ASPH: variants seen among roughly 807,000 people sequenced by gnomAD.
ASPH encodes aspartate beta-hydroxylase, also known as aspartyl/asparaginyl beta-hydroxylase.
A neutral mutation model predicts 118.4 loss-of-function variants in ASPH; 100 were observed. The observed-to-expected ratio is 0.84, with a 90% CI of 0.72 to 1.00. The LOEUF (loss-of-function observed/expected upper bound fraction) is 1.00, where lower values mean the gene tolerates loss of function less well. Among genes scored for constraint, ASPH ranks in the 50% least tolerant of loss-of-function variants. The pLI, the probability that ASPH is intolerant of heterozygous loss-of-function variation, is 0.00. For synonymous variants in ASPH, 315 were observed against 325.6 expected (o/e 0.97, Z 0.35); for missense variants, 920 against 919.5 (o/e 1.00, Z -0.01).
At chr8:61,614,845 CT>C (rs1169975106) in intron 14 of ASPH, among the ~76,000 whole-genome samples, 1 of 152,182 alleles carries the variant, frequency 6.6e-6, no homozygotes, top group Non-Finnish European at 1.5e-5. Flanking sequence ...TCAAACCCTA[CT>C]AACTTTATAT....
chr8:61,653,495 T>G, intron 4 of ASPH, 73 bp downstream of exon 4: 2 of 1,421,490 alleles, frequency 1.4e-6, no homozygotes, highest in Non-Finnish European at 1.9e-6. Context: ...AGGTAAAACG[T>G]GATTCTGTAA....
chr8:61,591,601 A>C (rs141234781), intron 14 of ASPH, among the ~76,000 whole-genome samples: 1 of 152,216 alleles, frequency 6.6e-6, no homozygotes, highest in Non-Finnish European at 1.5e-5. Context: ...AAAACTTCCC[A>C]AAGCAGCTTG....
At chr8:61,517,977 A>G (rs1187396889) in intron 23 of ASPH, 55 bp downstream of exon 23, 1 of 1,509,008 alleles carries the variant, frequency 6.6e-7, no homozygotes, top group Non-Finnish European at 9.1e-7. Flanking sequence ...AAAGGTCAAC[A>G]CGCCCTTATT....
chr8:61,576,833 G>A lies in ASPH; in HGVS notation c.1088C>T (p.Ala363Val). The stretch of plus-strand genomic sequence containing the variant: ...GTATTTGCGTACTAGTTCTTTAAAT[G>A]CATTCACTGCTTCCTCAATTTTTCC... ...KRGKIEEAVNAFKELVRKYPQ... is the reference protein window; with the variant it reads ...KRGKIEEAVNVFKELVRKYPQ... Residue 363 changes from alanine (A) to valine (V), a missense_variant, in exon 16 of 25, where the codon GCA becomes GTA. By Grantham distance (64) the Ala-to-Val change is moderately conservative. Transcript: ENST00000379454. 6.2e-7 allele frequency: 1 copy of A among 1,607,872 alleles called. No individual in the cohort carries two copies. Among genetic ancestry groups the A allele is most frequent in the South Asian group, 1.1e-5 (1 of 89,440 alleles).
chr8:61,510,153 T>G (rs1376987823), intron 24 of ASPH, among the ~76,000 whole-genome samples: 12 of 152,186 alleles, frequency 7.9e-5, no homozygotes, highest in Admixed American at 7.9e-4. Flanking sequence ...TAAATACAGT[T>G]CTGAGTGCAT....
chr8:61,676,411 G>T, intron 3 of ASPH: 1 of 1,201,154 alleles, frequency 8.3e-7, no homozygotes, highest in Non-Finnish European at 1.1e-6. Context: ...AAAGCGAGGT[G>T]CATCAAGGTC....
At chr8:61,608,304 G>C (rs1012078811) in intron 14 of ASPH, among the ~76,000 whole-genome samples, 1 of 152,150 alleles carries the variant, frequency 6.6e-6, no homozygotes, top group Non-Finnish European at 1.5e-5. Context: ...AGAGTCTGCC[G>C]ATGAGATAGA....
intron 14 of ASPH, among the ~76,000 whole-genome samples, chr8:61,612,719 C>G: frequency 6.6e-6 from 1 of 152,144 alleles, no homozygotes; most frequent in East Asian, 1.9e-4. Context: ...TTCAAGCAAT[C>G]CAATATACAT....
At chr8:61,525,382 T>C (rs1446622403) in intron 22 of ASPH, among the ~76,000 whole-genome samples, 2 of 150,434 alleles carry the variant, frequency 1.3e-5, no homozygotes, top group Admixed American at 1.3e-4. Flanking sequence ...ACACACACGC[T>C]GGAGCTCCAT....
At chr8:61,559,294 T>C (rs1478738680) in intron 18 of ASPH, among the ~76,000 whole-genome samples, 2 of 152,254 alleles carry the variant, frequency 1.3e-5, no homozygotes, top group African/African-American at 4.8e-5. Context: ...CGACTGTTTA[T>C]GCTACCCGGT....
chr8:61,595,637 A>G (rs1842309726), intron 14 of ASPH, among the ~76,000 whole-genome samples: 1 of 152,226 alleles, frequency 6.6e-6, no homozygotes. Flanking sequence ...TCTCTGAGAG[A>G]TAGGGATCAC....
chr8:61,631,733 G>A (rs1588364714), intron 13 of ASPH: 3 of 152,226 alleles, frequency 2.0e-5, no homozygotes, highest in East Asian at 3.8e-4. Flanking sequence ...ATGGTACCAA[G>A]TTACAGGTTA....
At chr8:61,664,622 G>A in intron 3 of ASPH, 1 of 986,332 alleles carries the variant, frequency 1.0e-6, no homozygotes, top group Non-Finnish European at 1.2e-6. Context: ...GAGGAGTGAA[G>A]GAAAGGAGAG....
intron 21 of ASPH, among the ~76,000 whole-genome samples, chr8:61,529,442 AC>A (rs1293315981): frequency 6.6e-6 from 1 of 152,180 alleles, no homozygotes; most frequent in African/African-American, 2.4e-5. Flanking sequence ...AACTGAGGGA[AC>A]CAAAAAATCC....
At chr8:61,619,088 A>C (rs1352134592) in intron 13 of ASPH, 69 bp from the exon 14 acceptor site, 1 of 1,075,958 alleles carries the variant, frequency 9.3e-7, no homozygotes, top group Non-Finnish European at 1.4e-6. Context: ...AATATAGGAC[A>C]ATATTTAAAT....
intron 8 of ASPH, among the ~76,000 whole-genome samples, 192 bp from the exon 9 acceptor site, chr8:61,643,625 G>A (rs1047893491): frequency 6.6e-6 from 1 of 152,176 alleles, no homozygotes; most frequent in African/African-American, 2.4e-5. Context: ...GGAAAGAGTA[G>A]AAATGGGATT....
rs141160418 is a variant in ASPH at position 61,685,116 on chromosome 8, G to A, written c.104-928C>T. Among the ~76,000 whole-genome samples the A allele has an allele frequency of 5.5e-3, 841 of 152,122 alleles. 9 individuals carry two copies. The highest frequency in any genetic ancestry group is 0.019 in the African/African-American group (789 of 41,526). On this transcript the variant is annotated intron_variant, in intron 1 of 24. Coordinates refer to ENST00000379454, the MANE Select transcript of ASPH (RefSeq NM_004318.4). ...AAGTGCTTTCATGTGCTTTGCTGCCGGTGATCCTCACGGTGTCCTGCCACT... is the reference window on the plus strand; with the variant it reads ...AAGTGCTTTCATGTGCTTTGCTGCCAGTGATCCTCACGGTGTCCTGCCACT...
intron 1 of ASPH, among the ~76,000 whole-genome samples, chr8:61,704,039 C>CA (rs1650575895): frequency 6.6e-6 from 1 of 150,908 alleles, no homozygotes. Context: ...ACTAAAAATA[C>CA]AAAAAATTAG....
At chr8:61,603,740 AG>A (rs1366659151) in intron 14 of ASPH, among the ~76,000 whole-genome samples, 3 of 152,218 alleles carry the variant, frequency 2.0e-5, no homozygotes, top group East Asian at 3.8e-4. Flanking sequence ...AGAAAGTGGT[AG>A]GGGGGAAGTA....
Sources: gnomAD v4.1 joint callset for allele counts (sites outside exome capture counted in the v4.1 genomes callset) on GRCh38, gnomAD v4.1.1 for gene constraint, MANE v1.5 for transcripts, NCBI Gene and HGNC (gene_info 2026-07-23, HGNC 2026-07-21) for gene names.